Variants in KLF12 observed in about 807,000 individuals in gnomAD.
KLF12 encodes Krueppel-like factor 12.
Under a neutral mutation model 37.8 loss-of-function variants are expected in KLF12, and 9 were observed. The observed-to-expected ratio is 0.24, with a 90% confidence interval of 0.14 to 0.42. KLF12 has a LOEUF of 0.42. Ranked by LOEUF, KLF12 falls within the 10% of genes least tolerant of loss-of-function variation. The pLI, the probability that KLF12 is intolerant of heterozygous loss-of-function variation, is 1.00. For synonymous variants in KLF12, 208 were observed against 202.1 expected, an observed-to-expected ratio of 1.03 and a Z score of -0.25; for missense variants, 411 against 516.0, an observed-to-expected ratio of 0.80 and a Z score of 1.97.
At chr13:73,724,513 G>C (rs1478075312) in intron 6 of KLF12, among the ~76,000 whole-genome samples, 1 of 152,100 alleles carries the variant, frequency 6.6e-6, no homozygotes, top group Admixed American at 6.5e-5. Flanking sequence ...GACTGTCTGA[G>C]GCCACATGTA....
intron 3 of KLF12, among the ~76,000 whole-genome samples, chr13:73,920,183 A>G (rs1889047297): frequency 6.6e-6 from 1 of 152,200 alleles, no homozygotes; most frequent in Admixed American, 6.5e-5. Flanking sequence ...GTATAAACAT[A>G]CTTCATGTAT....
intron 1 of KLF12, among the ~76,000 whole-genome samples, chr13:73,995,304 C>T (rs1313345308): frequency 6.6e-6 from 1 of 151,606 alleles, no homozygotes; most frequent in Non-Finnish European, 1.5e-5. Flanking sequence ...ATAATTAAGA[C>T]CTAGACAAAA....
At chr13:73,955,673 A>G (rs1362873331) in intron 2 of KLF12, among the ~76,000 whole-genome samples, 1 of 152,258 alleles carries the variant, frequency 6.6e-6, no homozygotes, top group African/African-American at 2.4e-5. Context: ...ATCCAGAAAT[A>G]TACTGTTTAA....
the KLF12 span, among the ~76,000 whole-genome samples, chr13:74,231,980 G>T: frequency 2.0e-5 from 3 of 152,118 alleles, no homozygotes; most frequent in Non-Finnish European, 2.9e-5. Flanking sequence ...TTTAGTTTTG[G>T]GGGGTCTGAA....
the KLF12 span, among the ~76,000 whole-genome samples, chr13:74,145,608 C>A: frequency 6.6e-6 from 1 of 152,190 alleles, no homozygotes; most frequent in Non-Finnish European, 1.5e-5. Context: ...CTATCTCTTA[C>A]AATCATGTGC....
chr13:74,232,738 A>T, the KLF12 span, among the ~76,000 whole-genome samples: 4 of 152,268 alleles, frequency 2.6e-5, no homozygotes, highest in Middle Eastern at 3.4e-3. Context: ...TAGCTTTTCT[A>T]TTTCTATCTT....
intron 1 of KLF12, among the ~76,000 whole-genome samples, chr13:74,089,798 AG>A (rs1279375217): frequency 5.9e-5 from 6 of 102,440 alleles, no homozygotes; most frequent in South Asian, 4.1e-4. Flanking sequence ...CGTAACATGC[AG>A]GGGGAAAAAA....
chr13:73,860,118 T>A (rs1885840798), intron 3 of KLF12, among the ~76,000 whole-genome samples: 1 of 152,162 alleles, frequency 6.6e-6, no homozygotes, highest in African/African-American at 2.4e-5. Flanking sequence ...TATGATCAGT[T>A]CACTCATTGT....
chr13:74,108,621 C>T (rs1471366137), intron 1 of KLF12, among the ~76,000 whole-genome samples: 1 of 152,158 alleles, frequency 6.6e-6, no homozygotes, highest in Non-Finnish European at 1.5e-5. Context: ...CTAAGCCTTA[C>T]TGATGACATA....
chr13:74,120,854 C>A (rs887579773), intron 1 of KLF12, among the ~76,000 whole-genome samples: 5 of 151,794 alleles, frequency 3.3e-5, no homozygotes, highest in African/African-American at 1.2e-4. Context: ...ATTAGAGTCA[C>A]TACTAAAAAT....
At chr13:74,175,903 C>T in the KLF12 span, among the ~76,000 whole-genome samples, 1 of 152,128 alleles carries the variant, frequency 6.6e-6, no homozygotes, top group Non-Finnish European at 1.5e-5. Context: ...AAAGGAACTC[C>T]TTGGGCTATC....
intron 5 of KLF12, among the ~76,000 whole-genome samples, chr13:73,781,446 CA>C (rs1472571682): frequency 6.6e-6 from 1 of 152,106 alleles, no homozygotes; most frequent in African/African-American, 2.4e-5. Context: ...ATTGTTATTA[CA>C]AAATGTAGAT....
At chr13:74,018,691 A>C (rs1892764095) in intron 1 of KLF12, among the ~76,000 whole-genome samples, 1 of 152,210 alleles carries the variant, frequency 6.6e-6, no homozygotes, top group Non-Finnish European at 1.5e-5. Flanking sequence ...TGAATTATTC[A>C]CTAAGGGGGT....
chr13:73,826,699 A>AAT (rs1883862532), intron 4 of KLF12, among the ~76,000 whole-genome samples: 1 of 152,102 alleles, frequency 6.6e-6, no homozygotes, highest in Non-Finnish European at 1.5e-5. Flanking sequence ...TTAACTACAT[A>AAT]TATGTCCATG....
chr13:73,702,826 T>C (rs1328404818), intron 7 of KLF12, among the ~76,000 whole-genome samples: 1 of 152,204 alleles, frequency 6.6e-6, no homozygotes, highest in Non-Finnish European at 1.5e-5. Flanking sequence ...CTGGTTTCTG[T>C]TACATTAGTT....
intron 4 of KLF12, among the ~76,000 whole-genome samples, chr13:73,819,758 G>T (rs185627794): frequency 1.6e-4 from 25 of 152,300 alleles, no homozygotes; most frequent in East Asian, 1.5e-3. Flanking sequence ...TGAGATGGTG[G>T]CCAGGAAAGG....
At chr13:74,170,711 G>A in the KLF12 span, among the ~76,000 whole-genome samples, 3 of 152,118 alleles carry the variant, frequency 2.0e-5, no homozygotes, top group East Asian at 5.8e-4. Context: ...TTTGAAAAAG[G>A]GTGGTATGAG....
the KLF12 span, among the ~76,000 whole-genome samples, chr13:74,142,211 T>G: frequency 5.9e-5 from 9 of 152,220 alleles, no homozygotes; most frequent in Non-Finnish European, 1.2e-4. Context: ...ACAGTCTGCT[T>G]ATGGCTTATC....
chr13:73,793,937 G>T (rs922560556), intron 5 of KLF12, among the ~76,000 whole-genome samples: 21 of 152,274 alleles, frequency 1.4e-4, no homozygotes, highest in African/African-American at 4.3e-4. Context: ...ACACAGGAGG[G>T]CTCAGGTTTT....
Sources: gnomAD v4.1 joint callset for allele counts (sites outside exome capture counted in the v4.1 genomes callset) on GRCh38, gnomAD v4.1.1 for gene constraint, MANE v1.5 for transcripts, NCBI Gene and HGNC (gene_info 2026-07-23, HGNC 2026-07-21) for gene names.